The following CORIN variants were observed in gnomAD, a reference collection of about 807,000 sequenced individuals.
The protein encoded by CORIN is atrial natriuretic peptide-converting enzyme.
In CORIN, 117 loss-of-function variants were observed where a neutral mutation model predicts 125.3. That is an observed-to-expected ratio of 0.93 (90% CI 0.80 to 1.09). CORIN has a LOEUF of 1.09. Ranked by LOEUF, CORIN falls within the 50% of genes least tolerant of loss-of-function variation. The pLI is 0.00. For missense variants in CORIN, 1,253 were observed against 1,306.7 expected (o/e 0.96, Z 0.63); for synonymous variants, 450 against 466.4 (o/e 0.96, Z 0.45).
intron 12 of CORIN, among the ~76,000 whole-genome samples, chr4:47,654,439 C>A (rs554325033): frequency 1.3e-5 from 2 of 152,280 alleles, no homozygotes; most frequent in Middle Eastern, 3.4e-3. Context: ...GTAGGAAAGA[C>A]AGTCTTGAAT....
At chr4:47,611,902 G>T (rs569883749) in intron 19 of CORIN, among the ~76,000 whole-genome samples, 3 of 152,236 alleles carry the variant, frequency 2.0e-5, no homozygotes, top group South Asian at 2.1e-4. Flanking sequence ...TTGCATCCTA[G>T]GGATGAAGCT....
At chr4:47,820,883 CT>C (rs1273685249) in intron 1 of CORIN, among the ~76,000 whole-genome samples, 2 of 152,152 alleles carry the variant, frequency 1.3e-5, no homozygotes, top group African/African-American at 4.8e-5. Context: ...TTGAGTCATA[CT>C]TTTTATGATT....
intron 2 of CORIN, among the ~76,000 whole-genome samples, chr4:47,790,632 T>A (rs995450785): frequency 6.6e-6 from 1 of 152,166 alleles, no homozygotes; most frequent in African/African-American, 2.4e-5. Context: ...TCGAATGGCT[T>A]TTGGCACTAA....
At chr4:47,650,073 A>T (rs1254127225) in intron 13 of CORIN, among the ~76,000 whole-genome samples, 12 of 152,226 alleles carry the variant, frequency 7.9e-5, no homozygotes, top group Admixed American at 7.9e-4. Flanking sequence ...CAAGCTGTAA[A>T]ACCCGTAAAT....
At chr4:47,830,882 A>G (rs1394072484) in intron 1 of CORIN, among the ~76,000 whole-genome samples, 1 of 152,200 alleles carries the variant, frequency 6.6e-6, no homozygotes, top group Non-Finnish European at 1.5e-5. Context: ...TCATAGCTGC[A>G]TAGGACTTTA....
At chr4:47,677,545 A>T (rs1725081303) in intron 9 of CORIN, among the ~76,000 whole-genome samples, 1 of 152,230 alleles carries the variant, frequency 6.6e-6, no homozygotes, top group Non-Finnish European at 1.5e-5. Flanking sequence ...AAGAGGCATT[A>T]AACTGCTTCT....
At chr4:47,789,746 C>A (rs1292461672) in intron 2 of CORIN, among the ~76,000 whole-genome samples, 1 of 152,028 alleles carries the variant, frequency 6.6e-6, no homozygotes, top group East Asian at 1.9e-4. Context: ...AGAGGCCGGG[C>A]GCGGTGGCTC....
intron 1 of CORIN, chr4:47,837,558 T>A (rs1733503861): frequency 2.2e-6 from 1 of 463,422 alleles, no homozygotes; most frequent in East Asian, 4.4e-5. Context: ...GGAGGGACTC[T>A]GCAGGAAAGG....
At chr4:47,765,645 T>C (rs949589065) in intron 3 of CORIN, among the ~76,000 whole-genome samples, 1 of 152,226 alleles carries the variant, frequency 6.6e-6, no homozygotes, top group Non-Finnish European at 1.5e-5. Context: ...TGTATGAGGA[T>C]GTCTGCTTTC....
In CORIN at chr4:47,806,990, C is replaced by A; in HGVS notation, c.121G>T (p.Ala41Ser). 1.2e-6 allele frequency: 2 copies of A among 1,613,990 alleles called. No homozygotes were observed. The highest frequency in any genetic ancestry group is 1.7e-6 in the Non-Finnish European group (2 of 1,179,892). The change falls in exon 2 of 22, where the codon GCT becomes TCT. Residue 41 changes from alanine (A) to serine (S), a missense_variant. Physicochemically the swap from Ala to Ser is moderately conservative, Grantham distance 99. Coordinates refer to ENST00000273857, the MANE Select transcript of CORIN (RefSeq NM_006587.4). ...AGCAATAGGAACCGGAGGAGGTTAG[C>A]AGTCGCCAGCTTCTGAGAGCAGCCA... ...GNGCSQKLAT[A>S]NLLRFLLLVL... is the part of the protein sequence containing the mutation.
At chr4:47,630,955 G>C (rs1337745818) in intron 16 of CORIN, among the ~76,000 whole-genome samples, 1 of 152,198 alleles carries the variant, frequency 6.6e-6, no homozygotes, top group East Asian at 1.9e-4. Flanking sequence ...GAAAAGGGAT[G>C]AGGCTCCATG....
intron 12 of CORIN, among the ~76,000 whole-genome samples, chr4:47,656,515 T>G (rs1328654741): frequency 2.0e-5 from 3 of 152,146 alleles, no homozygotes; most frequent in Non-Finnish European, 4.4e-5. Flanking sequence ...TGATACATCA[T>G]AACAACAGAA....
chr4:47,695,288 A>G (rs760157041), intron 5 of CORIN, among the ~76,000 whole-genome samples: 2 of 152,236 alleles, frequency 1.3e-5, no homozygotes, highest in Non-Finnish European at 1.5e-5. Context: ...TTTCTGTATT[A>G]TACTAGAGAG....
chr4:47,772,689 TAATAATAACTGTGTAATAG>T (rs1445304511), intron 3 of CORIN, among the ~76,000 whole-genome samples: 1 of 152,174 alleles, frequency 6.6e-6, no homozygotes, highest in African/African-American at 2.4e-5. Context: ...AAAATGGAAA[TAATAATAACTGTGTAATAG>T]GTTTATTATA....
intron 10 of CORIN, among the ~76,000 whole-genome samples, chr4:47,668,918 A>G (rs1159697597): frequency 2.0e-5 from 3 of 152,372 alleles, no homozygotes; most frequent in East Asian, 3.9e-4. Flanking sequence ...TAAGCAAGAT[A>G]AACTCTCAAA....
At chr4:47,809,621 T>C (rs1028930339) in intron 1 of CORIN, among the ~76,000 whole-genome samples, 15 of 152,080 alleles carry the variant, frequency 9.9e-5, no homozygotes, top group African/African-American at 3.1e-4. Flanking sequence ...TTGGCCAGAC[T>C]GGTCTCGAAC....
intron 16 of CORIN, among the ~76,000 whole-genome samples, chr4:47,630,668 C>T (rs144470367): frequency 2.6e-5 from 4 of 152,298 alleles, no homozygotes; most frequent in African/African-American, 7.2e-5. Context: ...ATCAAGTTAT[C>T]AAGCTGTTAA....
intron 16 of CORIN, among the ~76,000 whole-genome samples, chr4:47,627,984 C>T (rs1722648020): frequency 2.0e-5 from 3 of 152,098 alleles, no homozygotes; most frequent in Admixed American, 2.0e-4. Flanking sequence ...GGAAGGGCTC[C>T]ACAGACATCC....
At chr4:47,792,987 A>C (rs774891725) in intron 2 of CORIN, among the ~76,000 whole-genome samples, 13 of 152,226 alleles carry the variant, frequency 8.5e-5, no homozygotes, top group Non-Finnish European at 1.3e-4. Context: ...CTTGACTAAA[A>C]CAATAGATAA....
Sources: gnomAD v4.1 joint callset for allele counts (sites outside exome capture counted in the v4.1 genomes callset) on GRCh38, gnomAD v4.1.1 for gene constraint, MANE v1.5 for transcripts, NCBI Gene and HGNC (gene_info 2026-07-23, HGNC 2026-07-21) for gene names.